GABRG3: variants seen among roughly 807,000 people sequenced by gnomAD.
GABRG3 encodes gamma-aminobutyric acid type A receptor subunit gamma3, also known as gamma-aminobutyric acid receptor subunit gamma-3.
Under a neutral mutation model 48.8 loss-of-function variants are expected in GABRG3, and 25 were observed. That is an observed-to-expected ratio of 0.51 (90% CI 0.37 to 0.72). GABRG3 has a LOEUF of 0.72. Among genes scored for constraint, GABRG3 ranks in the 30% least tolerant of loss-of-function variants. GABRG3 has a pLI of 0.00. For synonymous variants in GABRG3, 227 were observed against 217.6 expected, an observed-to-expected ratio of 1.04 and a Z score of -0.38; for missense variants, 394 against 577.9, an observed-to-expected ratio of 0.68 and a Z score of 3.26.
At chr15:27,071,074 A>T (rs1896819407) in intron 3 of GABRG3, among the ~76,000 whole-genome samples, 1 of 152,190 alleles carries the variant, frequency 6.6e-6, no homozygotes. Flanking sequence ...GTTGTTTTTC[A>T]AAATCTGGGC....
intron 2 of GABRG3, among the ~76,000 whole-genome samples, chr15:27,020,832 A>G (rs796922797): frequency 1.1e-4 from 16 of 152,334 alleles, no homozygotes; most frequent in African/African-American, 3.8e-4. Context: ...TTGTTGTAAC[A>G]GATGATTATT....
At chr15:27,331,773 G>T (rs1893811060) in intron 5 of GABRG3, among the ~76,000 whole-genome samples, 1 of 152,172 alleles carries the variant, frequency 6.6e-6, no homozygotes, top group Non-Finnish European at 1.5e-5. Context: ...TCTGGTGGGG[G>T]ATGTTGACAG....
chr15:27,520,997 G>C (rs1891147473), intron 7 of GABRG3, among the ~76,000 whole-genome samples: 1 of 151,894 alleles, frequency 6.6e-6, no homozygotes, highest in Non-Finnish European at 1.5e-5. Flanking sequence ...CATGCTTATA[G>C]AAAATACGTG....
intron 3 of GABRG3, among the ~76,000 whole-genome samples, chr15:27,163,975 G>A (rs1028409528): frequency 1.3e-5 from 2 of 152,130 alleles, no homozygotes; most frequent in Non-Finnish European, 2.9e-5. Context: ...ATTCAGTTAC[G>A]GGGGGATGGA....
intron 3 of GABRG3, among the ~76,000 whole-genome samples, chr15:27,210,164 G>A (rs1211505510): frequency 6.6e-6 from 1 of 152,154 alleles, no homozygotes; most frequent in African/African-American, 2.4e-5. Context: ...CCTTTGAAGG[G>A]ACCTCCAAGG....
chr15:27,026,951 C>T, intron 3 of GABRG3, 130 bp downstream of exon 3: 3 of 536,420 alleles, frequency 5.6e-6, no homozygotes, highest in East Asian at 6.4e-5. Flanking sequence ...ATCTGTAACA[C>T]TTATTGGAAT....
intron 3 of GABRG3, among the ~76,000 whole-genome samples, chr15:27,055,732 T>A (rs1360133020): frequency 6.6e-6 from 1 of 152,102 alleles, no homozygotes; most frequent in African/African-American, 2.4e-5. Context: ...TAATCTGAGA[T>A]CTGAAACACT....
intron 6 of GABRG3, among the ~76,000 whole-genome samples, chr15:27,501,088 A>G (rs1400277015): frequency 3.3e-5 from 5 of 151,394 alleles, no homozygotes; most frequent in Non-Finnish European, 7.4e-5. Flanking sequence ...AGTAGCTGGG[A>G]CTACAGGCGC....
At chr15:26,999,322 C>G (rs927783392) in intron 2 of GABRG3, among the ~76,000 whole-genome samples, 4 of 151,990 alleles carry the variant, frequency 2.6e-5, no homozygotes, top group Non-Finnish European at 5.9e-5. Context: ...ATATATGAGA[C>G]TTAAGAACTC....
At chr15:27,256,356 G>A (rs1210995720) in intron 3 of GABRG3, among the ~76,000 whole-genome samples, 1 of 151,914 alleles carries the variant, frequency 6.6e-6, no homozygotes, top group East Asian at 1.9e-4. Flanking sequence ...CAGGAGAATG[G>A]CGTGAACCCG....
intron 5 of GABRG3, among the ~76,000 whole-genome samples, chr15:27,427,321 A>C (rs956994568): frequency 7.2e-5 from 11 of 152,214 alleles, no homozygotes; most frequent in Admixed American, 4.6e-4. Context: ...TAGATAAGGA[A>C]CCTAAAGCCT....
chr15:27,302,641 T>G (rs1282727759), intron 3 of GABRG3, among the ~76,000 whole-genome samples: 2 of 151,966 alleles, frequency 1.3e-5, no homozygotes, highest in Non-Finnish European at 2.9e-5. Flanking sequence ...CCAACCAGAT[T>G]TAACTGATTT....
At chr15:27,231,444 G>C (rs541871761) in intron 3 of GABRG3, among the ~76,000 whole-genome samples, 5 of 152,338 alleles carry the variant, frequency 3.3e-5, no homozygotes, top group South Asian at 4.1e-4. Context: ...TGTTGTGAGC[G>C]GGGTAGGGAG....
chr15:27,468,827 A>G (rs1432514986), intron 5 of GABRG3, among the ~76,000 whole-genome samples: 1 of 152,234 alleles, frequency 6.6e-6, no homozygotes, highest in Non-Finnish European at 1.5e-5. Flanking sequence ...AAAAGAAAAA[A>G]AATCATATGC....
chr15:27,529,122 G>A (rs897224883), intron 9 of GABRG3, among the ~76,000 whole-genome samples: 2 of 152,084 alleles, frequency 1.3e-5, no homozygotes, highest in African/African-American at 4.8e-5. Context: ...TATGTTCTCT[G>A]TGTTTTCATG....
chr15:27,363,022 A>T (rs1895074462), intron 5 of GABRG3: 1 of 152,212 alleles, frequency 6.6e-6, no homozygotes, highest in South Asian at 2.1e-4. Flanking sequence ...AATAACTTCA[A>T]TTTTAAGGGC....
intron 3 of GABRG3, among the ~76,000 whole-genome samples, chr15:27,188,419 C>T (rs1433796908): frequency 1.3e-5 from 2 of 152,196 alleles, no homozygotes; most frequent in East Asian, 1.9e-4. Flanking sequence ...GATTGCCATT[C>T]TAACTGGTGT....
intron 3 of GABRG3, among the ~76,000 whole-genome samples, chr15:27,307,263 A>C (rs1198830259): frequency 7.1e-6 from 1 of 141,220 alleles, no homozygotes; most frequent in Non-Finnish European, 1.5e-5. Flanking sequence ...TGTTCATATT[A>C]TATGTTTATA....
intron 3 of GABRG3, among the ~76,000 whole-genome samples, chr15:27,147,234 AAATG>A (rs1285784461): frequency 1.3e-5 from 2 of 152,100 alleles, no homozygotes; most frequent in Non-Finnish European, 2.9e-5. Flanking sequence ...ATATAATGAT[AAATG>A]AGTCAATTCA....
Sources: gnomAD v4.1 joint callset for allele counts (sites outside exome capture counted in the v4.1 genomes callset) on GRCh38, gnomAD v4.1.1 for gene constraint, MANE v1.5 for transcripts, NCBI Gene and HGNC (gene_info 2026-07-23, HGNC 2026-07-21) for gene names.